Variants in COA1 observed in about 807,000 individuals in gnomAD.
The protein encoded by COA1 is cytochrome c oxidase assembly factor 1, also known as cytochrome c oxidase assembly factor 1 homolog.
Under a neutral mutation model 16.0 loss-of-function variants are expected in COA1, and 13 were observed. That is an observed-to-expected ratio of 0.81 (90% confidence interval 0.53 to 1.29). COA1 has a LOEUF of 1.29. Among genes scored for constraint, COA1 ranks in the 50% most tolerant of loss-of-function variants. COA1 has a pLI of 0.00. For missense variants in COA1, 179 were observed against 177.0 expected (o/e 1.01, Z -0.06); for synonymous variants, 65 against 65.7 (o/e 0.99, Z 0.05).
chr7:43,647,672 C>G (rs898875927), intron 2 of COA1, 38 bp from the exon 3 acceptor site: 1 of 1,523,996 alleles, frequency 6.6e-7, no homozygotes, highest in Non-Finnish European at 9.1e-7. Flanking sequence ...GTAGGATTCC[C>G]AGTTTTGTGC....
intron 1 of COA1, among the ~76,000 whole-genome samples, chr7:43,667,972 T>C (rs1418783834): frequency 6.6e-6 from 1 of 152,258 alleles, no homozygotes; most frequent in African/African-American, 2.4e-5. Context: ...GTGAGTACTC[T>C]TAACTTACAG....
chr7:43,722,551 T>C (rs1204202254), intron 1 of COA1, among the ~76,000 whole-genome samples: 2 of 152,124 alleles, frequency 1.3e-5, no homozygotes, highest in South Asian at 2.1e-4. Context: ...TACAGGCACA[T>C]GCCATCACGC....
chr7:43,689,049 TA>T (rs1166807961), intron 1 of COA1, among the ~76,000 whole-genome samples: 1 of 152,208 alleles, frequency 6.6e-6, no homozygotes, highest in Non-Finnish European at 1.5e-5. Context: ...CCCACGTATT[TA>T]AATCTTCTCA....
At chr7:43,624,371 G>A (rs1449611444) in intron 6 of COA1, 1 of 769,678 alleles carries the variant, frequency 1.3e-6, no homozygotes, top group Non-Finnish European at 2.0e-6. Context: ...CAAATTCCAA[G>A]ACTAATAGTT....
intron 1 of COA1, among the ~76,000 whole-genome samples, chr7:43,714,428 C>T (rs577822879): frequency 2.1e-4 from 31 of 150,862 alleles, no homozygotes; most frequent in South Asian, 4.2e-4. Flanking sequence ...AGGAGTTCAA[C>T]GCTAGCCTGG....
intron 6 of COA1, among the ~76,000 whole-genome samples, chr7:43,613,434 A>G (rs1278803760): frequency 6.6e-6 from 1 of 152,208 alleles, no homozygotes; most frequent in African/African-American, 2.4e-5. Flanking sequence ...CTTGAGCATC[A>G]CAGATTTTGG....
chr7:43,662,878 T>G (rs1002977465), intron 1 of COA1, among the ~76,000 whole-genome samples: 1 of 152,190 alleles, frequency 6.6e-6, no homozygotes, highest in Non-Finnish European at 1.5e-5. Context: ...GTCTCAAAAC[T>G]CAGGCCTATC....
chr7:43,632,702 G>A (rs1765231715), intron 6 of COA1: 1 of 152,100 alleles, frequency 6.6e-6, no homozygotes, highest in East Asian at 1.9e-4. Context: ...TTAATGAGTA[G>A]CAATATTTTG....
intron 6 of COA1, among the ~76,000 whole-genome samples, chr7:43,612,937 C>G (rs1231349164): frequency 6.6e-6 from 1 of 152,084 alleles, no homozygotes; most frequent in Non-Finnish European, 1.5e-5. Flanking sequence ...TAAAATGTTG[C>G]AGAAATTGCA....
At chr7:43,635,807 G>GA (rs2085772080), downstream of COA1, among the ~76,000 whole-genome samples, 2 of 152,144 alleles carry the variant, frequency 1.3e-5, no homozygotes, top group South Asian at 4.1e-4. Flanking sequence ...ATTTGGAAGT[G>GA]AAAAATTACT....
intron 6 of COA1, among the ~76,000 whole-genome samples, chr7:43,610,346 C>CA (rs138859141): frequency 0.18 from 7,310 of 41,064 alleles, 1,083 homozygotes; most frequent in East Asian, 0.42. Flanking sequence ...GACTCCGTCT[C>CA]AAAAAAAAAA....
intron 1 of COA1, among the ~76,000 whole-genome samples, chr7:43,727,718 G>A (rs756287278): frequency 3.9e-5 from 6 of 152,228 alleles, no homozygotes; most frequent in Non-Finnish European, 8.8e-5. Context: ...GGATGGGGAA[G>A]TCAGGTGAGC....
rs1554542796 is a variant in COA1, at chr7:43,691,441, G to GAAAGA, written c.-39+37983_-39+37987dup. Among the ~76,000 whole-genome samples the GAAAGA allele has an allele frequency of 2.5e-3, 330 of 132,306 alleles. 7 individuals are homozygous for GAAAGA. Among genetic ancestry groups the GAAAGA allele is most frequent in the African/African-American group, 0.01 (309 of 29,654 alleles). The allele number at this position is 132,306 out of a possible 152,430, so 86.8% of individuals were successfully genotyped here. A position where few individuals can be genotyped will look rare whatever the true frequency, so the allele number is the denominator to read the frequency against. On this transcript the variant is annotated intron_variant, in intron 1 of 5. Transcript: ENST00000223336. ...AAAGAAAAAGAAAGAAAGAAAGAAA[G>GAAAGA]AAAGAAAGAAAGAAAGAAAGAAAGA...
intron 1 of COA1, among the ~76,000 whole-genome samples, chr7:43,657,826 A>G (rs531364423): frequency 3.6e-4 from 55 of 152,204 alleles, no homozygotes; most frequent in Non-Finnish European, 7.3e-4. Context: ...AAAATGAACA[A>G]CTTAATTTGA....
At chr7:43,714,934 G>A (rs1441708548) in intron 1 of COA1, among the ~76,000 whole-genome samples, 1 of 147,958 alleles carries the variant, frequency 6.8e-6, no homozygotes, top group African/African-American at 2.5e-5. Context: ...TTGAGCCCGG[G>A]AGGTAGCAGT....
intron 1 of COA1, among the ~76,000 whole-genome samples, chr7:43,714,806 G>A (rs541967134): frequency 4.7e-5 from 7 of 150,500 alleles, no homozygotes; most frequent in South Asian, 4.2e-4. Flanking sequence ...CCAGGAGTTC[G>A]AGACCAGCCT....
downstream of COA1, among the ~76,000 whole-genome samples, chr7:43,638,055 A>AGAT (rs1160086186): frequency 4.6e-5 from 7 of 152,330 alleles, no homozygotes; most frequent in Admixed American, 3.3e-4. Flanking sequence ...AAGACTGTAG[A>AGAT]GATTGGAATA....
intron 6 of COA1, among the ~76,000 whole-genome samples, chr7:43,633,703 C>A (rs1292169946): frequency 6.6e-6 from 1 of 152,168 alleles, no homozygotes; most frequent in Non-Finnish European, 1.5e-5. Context: ...TTGTAAAAAA[C>A]ACAGCATCTG....
chr7:43,710,741 A>G (rs942519041), intron 1 of COA1, among the ~76,000 whole-genome samples: 4 of 152,224 alleles, frequency 2.6e-5, no homozygotes, highest in African/African-American at 9.6e-5. Flanking sequence ...AAACTTGTCC[A>G]AAGTGAAAAA....
Sources: gnomAD v4.1 joint callset for allele counts (sites outside exome capture counted in the v4.1 genomes callset) on GRCh38, gnomAD v4.1.1 for gene constraint, MANE v1.5 for transcripts, NCBI Gene and HGNC (gene_info 2026-07-23, HGNC 2026-07-21) for gene names.